The following CAMTA1 variants were observed in gnomAD, a reference collection of about 807,000 sequenced individuals.
The protein encoded by CAMTA1 is calmodulin binding transcription activator 1.
A neutral mutation model predicts 170.9 loss-of-function variants in CAMTA1; 27 were observed. That is an observed-to-expected ratio of 0.16 (90% confidence interval 0.12 to 0.22). The LOEUF (loss-of-function observed/expected upper bound fraction) is 0.22. Ranked by LOEUF, CAMTA1 falls within the 10% of genes least tolerant of loss-of-function variation. The pLI, the probability that CAMTA1 is intolerant of heterozygous loss-of-function variation, is 1.00. For synonymous variants in CAMTA1, 833 were observed against 891.5 expected (o/e 0.93, Z 1.17); for missense variants, 1,619 against 2,217.2 (o/e 0.73, Z 5.42).
In CAMTA1 at chr1:7,738,344, A is replaced by G; in HGVS notation, c.4044A>G (p.Ala1348=). ...NPKGTSVGKE[A]APSQVRPREP... is the part of the protein sequence containing the mutation. The stretch of plus-strand genomic sequence containing the variant: ...AGGGGACCAGTGTAGGAAAGGAGGC[A>G]GCACCTTCACAGGTGCGTCCACGGG... Residue 1348 remains alanine, a synonymous_variant, in exon 16 of 23, where the codon GCA becomes GCG. Coordinates refer to ENST00000303635, the MANE Select transcript of CAMTA1 (RefSeq NM_015215.4). This position sits in a 1 kb window ranked among gnomAD's most constrained non-coding sequence, Gnocchi z 4.9. 2 of 1,614,244 alleles carry G rather than the reference A, an allele frequency of 1.2e-6. No individual in the cohort carries two copies. The highest frequency in any genetic ancestry group is 1.3e-5 in the African/African-American group (1 of 75,070).
rs762898420 is a variant in CAMTA1, at chr1:7,664,800, C to G, written c.2253C>G (p.Ser751Arg). Residue 751 changes from serine (S) to arginine (R), a missense_variant, in exon 9 of 23, where the codon AGC becomes AGG. Physicochemically the swap from Ser to Arg is moderately radical, Grantham distance 110 (BLOSUM62 -1). Around this residue, in one of 8 missense-constraint regions of CAMTA1, gnomAD observed 731 missense variants for 907.6 expected, o/e 0.81. Transcript: ENST00000303635. Reference sequence around the variant, plus strand: ...GACTCTACCCCGTGGCCCAGCCCAGCCTCGGCAACGCCTCCAACATGGAGC... The same window carrying G: ...GACTCTACCCCGTGGCCCAGCCCAGGCTCGGCAACGCCTCCAACATGGAGC... The part of the protein sequence containing the change: ...VQGLYPVAQP[S>R]LGNASNMELS... 1.2e-6 allele frequency: 2 copies of G among 1,612,990 alleles called. No individual in the cohort carries two copies. The highest frequency in any genetic ancestry group is 2.2e-5 in the South Asian group (2 of 91,022).
intron 1 of CAMTA1, among the ~76,000 whole-genome samples, chr1:6,811,457 T>C (rs1377459978): frequency 6.6e-6 from 1 of 152,220 alleles, no homozygotes; most frequent in African/African-American, 2.4e-5. Context: ...CAAACTGCTA[T>C]ACCTTTCAAA....
chr1:6,978,372 G>A (rs886261210), intron 3 of CAMTA1, among the ~76,000 whole-genome samples: 4 of 152,106 alleles, frequency 2.6e-5, no homozygotes, highest in Non-Finnish European at 4.4e-5. Context: ...GGTGGCTCAC[G>A]CCTGTTATCC....
intron 3 of CAMTA1, among the ~76,000 whole-genome samples, chr1:6,868,053 C>T (rs1319455240): frequency 1.3e-5 from 2 of 152,114 alleles, no homozygotes; most frequent in Non-Finnish European, 2.9e-5. Context: ...GATCCTCCTG[C>T]CTTTGCTTTC....
intron 1 of CAMTA1, among the ~76,000 whole-genome samples, chr1:6,802,692 G>A (rs1220017244): frequency 6.6e-6 from 1 of 152,124 alleles, no homozygotes; most frequent in Non-Finnish European, 1.5e-5. Context: ...TAAGTTAGTG[G>A]TAGGTGTAGT....
At chr1:6,884,320 ACACACACACACACAC>A (rs1330491935) in intron 3 of CAMTA1, among the ~76,000 whole-genome samples, 8 of 149,014 alleles carry the variant, frequency 5.4e-5, no homozygotes, top group African/African-American at 2.0e-4. Context: ...ACACACACAC[ACACACACACACACAC>A]AATTTTGTTT....
At position 7,310,737 on chromosome 1, in the gene CAMTA1, TC is replaced by T. The variant is rs1557492277; in HGVS notation, c.438+61112del. On this transcript the variant is annotated intron_variant, in intron 5 of 22. Coordinates refer to ENST00000303635, the MANE Select transcript of CAMTA1 (RefSeq NM_015215.4). ...TTCTTTCTTTCTTTCTTTCTTTCTT[TC>T]TTTCTTTTTTTTAAGACAGTCTTGC... Among the ~76,000 whole-genome samples, 29 of 95,312 alleles carry T rather than the reference TC, an allele frequency of 3.0e-4. 5 individuals carry two copies. Among genetic ancestry groups the T allele is most frequent in the East Asian group, 5.7e-4 (2 of 3,506 alleles). 62.5% of individuals were successfully genotyped at this position (95,312 alleles called of 152,430 possible).
chr1:7,306,499 T>C (rs971821212), intron 5 of CAMTA1, among the ~76,000 whole-genome samples: 1 of 152,068 alleles, frequency 6.6e-6, no homozygotes, highest in Non-Finnish European at 1.5e-5. Flanking sequence ...TTTGTGCCTA[T>C]CACATCACCA....
intron 20 of CAMTA1, among the ~76,000 whole-genome samples, chr1:7,751,900 C>T (rs945177651): frequency 4.6e-5 from 7 of 152,186 alleles, no homozygotes; most frequent in African/African-American, 1.4e-4. Context: ...TATGATGCTA[C>T]ATTCCGATTA....
chr1:7,036,910 C>A (rs1218168561), intron 3 of CAMTA1, among the ~76,000 whole-genome samples: 1 of 152,172 alleles, frequency 6.6e-6, no homozygotes, highest in African/African-American at 2.4e-5. Flanking sequence ...GCTTTCTTGT[C>A]TTCGGGGTTA....
chr1:7,672,958 C>A (rs995694960), intron 10 of CAMTA1, among the ~76,000 whole-genome samples: 1 of 152,192 alleles, frequency 6.6e-6, no homozygotes, highest in Non-Finnish European at 1.5e-5. Context: ...CACAGCCAGC[C>A]GGGGTGGCAG....
chr1:7,561,556 G>A lies in CAMTA1; in HGVS notation c.511-78844G>A, dbSNP rs145835454. 7.2e-5 allele frequency among the ~76,000 whole-genome samples: 11 copies of A among 152,004 alleles called. No individual in the cohort carries two copies. In the East Asian group the frequency reaches 9.8e-4, roughly 14 times the overall value. On this transcript the variant is annotated intron_variant, in intron 6 of 22. Transcript: ENST00000303635. This position sits in a 1 kb window ranked among gnomAD's most constrained non-coding sequence, Gnocchi z 5.3. ...TCTTGCCTGTAAACTCGTTGCAGGC[G>A]CAGGGATGGGCTGGTTCAGGGAGGA... is the stretch of plus-strand genomic sequence containing the variant.
At chr1:7,695,847 A>T (rs1425329019) in intron 11 of CAMTA1, among the ~76,000 whole-genome samples, 2 of 152,182 alleles carry the variant, frequency 1.3e-5, no homozygotes, top group Non-Finnish European at 2.9e-5. Context: ...TGAACTAAAT[A>T]TGTCAGCTCT....
intron 4 of CAMTA1, among the ~76,000 whole-genome samples, chr1:7,111,235 G>A (rs1200882108): frequency 6.6e-6 from 1 of 152,200 alleles, no homozygotes; most frequent in African/African-American, 2.4e-5. Context: ...CAGCTGATTA[G>A]CAGTCTTAAT....
intron 6 of CAMTA1, among the ~76,000 whole-genome samples, chr1:7,555,255 C>T (rs17031105): frequency 0.034 from 5,127 of 152,160 alleles, 277 homozygotes; most frequent in African/African-American, 0.12. Flanking sequence ...GAAAGCTCCG[C>T]GAAAAGGAAG....
intron 11 of CAMTA1, among the ~76,000 whole-genome samples, chr1:7,684,882 T>C (rs2096244810): frequency 1.3e-5 from 2 of 152,136 alleles, no homozygotes; most frequent in Non-Finnish European, 2.9e-5. Context: ...AAGGCAAAAC[T>C]GACCCCCAGA....
At chr1:7,512,506 A>G (rs2094215477) in intron 6 of CAMTA1, among the ~76,000 whole-genome samples, 1 of 152,228 alleles carries the variant, frequency 6.6e-6, no homozygotes, top group African/African-American at 2.4e-5. Flanking sequence ...AGGCAGATTC[A>G]GTGGCTGTGT....
intron 6 of CAMTA1, among the ~76,000 whole-genome samples, chr1:7,587,886 A>C (rs1360767644): frequency 1.3e-5 from 2 of 152,060 alleles, no homozygotes; most frequent in Non-Finnish European, 2.9e-5. Context: ...TCAGAGATGA[A>C]ATGGCTTTTC....
intron 6 of CAMTA1, among the ~76,000 whole-genome samples, chr1:7,587,617 T>A (rs1046175781): frequency 2.6e-5 from 4 of 152,108 alleles, no homozygotes; most frequent in African/African-American, 9.7e-5. Flanking sequence ...TGCTGCCTTG[T>A]GTTTACATGG....
Sources: allele counts gnomAD v4.1 joint callset (sites outside exome capture counted in the v4.1 genomes callset), GRCh38; gene constraint gnomAD v4.1.1; regional missense constraint gnomAD v4.1.1; non-coding constraint Gnocchi (gnomAD v3.1); transcripts MANE v1.5; gene names NCBI Gene and HGNC (gene_info 2026-07-23, HGNC 2026-07-21).